ADAMTS9: variants seen among roughly 807,000 people sequenced by gnomAD.
The protein encoded by ADAMTS9 is A disintegrin and metalloproteinase with thrombospondin motifs 9.
In ADAMTS9, 107 loss-of-function variants were observed where a neutral mutation model predicts 257.1. The observed-to-expected ratio is 0.42, with a 90% CI of 0.36 to 0.49. The LOEUF is 0.49. Among genes scored for constraint, ADAMTS9 ranks in the 20% least tolerant of loss-of-function variants. The pLI is 0.03. For missense variants in ADAMTS9, 2,353 were observed against 2,469.1 expected, an observed-to-expected ratio of 0.95 and a Z score of 1.00; for synonymous variants, 982 against 880.9, an observed-to-expected ratio of 1.11 and a Z score of -2.03.
At chr3:64,638,576 G>T (rs72890862) in intron 12 of ADAMTS9, among the ~76,000 whole-genome samples, 2,110 of 152,206 alleles carry the variant, frequency 0.014, 44 homozygotes, top group African/African-American at 0.048. Flanking sequence ...CATCTTATCT[G>T]TAGGGCATGG....
At chr3:64,684,076 T>C (rs1701829688) in intron 2 of ADAMTS9, among the ~76,000 whole-genome samples, 1 of 152,004 alleles carries the variant, frequency 6.6e-6, no homozygotes, top group Non-Finnish European at 1.5e-5. Context: ...AGACTAGGAT[T>C]GAGGGTGGGG....
chr3:64,658,193 G>C (rs1001127588), intron 4 of ADAMTS9, among the ~76,000 whole-genome samples: 12 of 152,194 alleles, frequency 7.9e-5, no homozygotes, highest in Admixed American at 7.9e-4. Context: ...ACTCCTCTGA[G>C]ACTCAGTTTT....
At chr3:64,673,496 A>AT (rs1206710359) in intron 3 of ADAMTS9, among the ~76,000 whole-genome samples, 1 of 152,212 alleles carries the variant, frequency 6.6e-6, no homozygotes, top group African/African-American at 2.4e-5. Context: ...GAAAATAGCA[A>AT]TTTTAACAAC....
At chr3:64,656,558 C>A (rs753267435) in intron 4 of ADAMTS9, among the ~76,000 whole-genome samples, 5 of 152,174 alleles carry the variant, frequency 3.3e-5, no homozygotes, top group Non-Finnish European at 7.3e-5. Context: ...AGGCTACACA[C>A]TGGTGAGTAG....
chr3:64,631,681 T>C, intron 15 of ADAMTS9, 127 bp downstream of exon 15: 1 of 1,170,528 alleles, frequency 8.5e-7, no homozygotes, highest in East Asian at 2.4e-5. Context: ...TTCTAGTCGA[T>C]GGATAATCCA....
Position 64,687,550 on chromosome 3 carries a change from C to T in ADAMTS9, c.108G>A (p.Pro36=). The change falls in exon 1 of 40, where the codon CCG becomes CCA. Residue 36 remains proline (P), a synonymous_variant. Coordinates refer to ENST00000498707, the MANE Select transcript of ADAMTS9 (RefSeq NM_182920.2). The surrounding 1 kb of genome is among the most constrained non-coding windows in gnomAD (Gnocchi z 4.4). The part of the protein sequence containing the change: ...AAAVRKDRLH[P]RQVKLLETLS... ...GGGCCGGAGCCTGGTTACCTTGCCT[C>T]GGGTGCAGCCTGTCCTTGCGCACGG... The T allele has an allele frequency of 6.5e-7, 1 of 1,539,658 alleles. No homozygotes were observed. Among genetic ancestry groups the T allele is most frequent in the Non-Finnish European group, 8.8e-7 (1 of 1,141,464 alleles).
intron 9 of ADAMTS9, 112 bp downstream of exon 9, chr3:64,650,905 A>T (rs1268087101): frequency 5.8e-6 from 7 of 1,215,712 alleles, no homozygotes; most frequent in Non-Finnish European, 7.9e-6. Context: ...AGGAATGTCA[A>T]CAAAAATAAC....
chr3:64,626,837 T>A (rs1274993929), intron 16 of ADAMTS9, among the ~76,000 whole-genome samples: 1 of 152,148 alleles, frequency 6.6e-6, no homozygotes, highest in African/African-American at 2.4e-5. Context: ...GCCAAATGAC[T>A]CTTTCTCAGT....
At chr3:64,573,372 C>A (rs1218561920) in intron 28 of ADAMTS9, among the ~76,000 whole-genome samples, 3 of 152,128 alleles carry the variant, frequency 2.0e-5, no homozygotes, top group African/African-American at 7.2e-5. Context: ...ACAGGACTGG[C>A]TGATAGCAGG....
chr3:64,541,471 G>A (rs1026422148), intron 34 of ADAMTS9, 55 bp downstream of exon 34: 1 of 1,605,248 alleles, frequency 6.2e-7, no homozygotes, highest in Non-Finnish European at 8.5e-7. Context: ...AATGAGAGCG[G>A]TGATCACTCA....
At chr3:64,542,241 A>ACG (rs1553701062) in intron 32 of ADAMTS9, among the ~76,000 whole-genome samples, 46,723 of 151,678 alleles carry the variant, frequency 0.31, 8,656 homozygotes, top group Non-Finnish European at 0.42. Flanking sequence ...ACACACACAC[A>ACG]TAATTTTTTC....
At chr3:64,530,463 C>T (rs965825529) in intron 38 of ADAMTS9, among the ~76,000 whole-genome samples, 1 of 149,192 alleles carries the variant, frequency 6.7e-6, no homozygotes. Context: ...GAGGAGTACT[C>T]GACAGGCCCT....
chr3:64,533,049 T>C lies in ADAMTS9; in HGVS notation c.5718+117A>G. The C allele has an allele frequency of 3.5e-6, 3 of 856,458 alleles. No homozygotes were observed. In the South Asian group the frequency reaches 5.0e-5, roughly 14 times the overall value. 53.1% of individuals were successfully genotyped at this position (856,458 alleles called of 1,614,324 possible). On this transcript the variant is annotated intron_variant, in intron 38 of 39. Transcript: ENST00000498707. ...AAATGGTCTTCCTGACACTACAAAA[T>C]GGCTTAAGTGGGAAAGCACATTCGT... is the stretch of plus-strand genomic sequence containing the variant.
chr3:64,653,614 A>C lies in ADAMTS9; in HGVS notation c.1316+739T>G, dbSNP rs1282531406. 2.6e-5 allele frequency among the ~76,000 whole-genome samples: 4 copies of C among 152,306 alleles called. No homozygotes were observed. In the South Asian group the frequency reaches 8.3e-4, roughly 32 times the overall value. On this transcript the variant is annotated intron_variant, in intron 8 of 39. Coordinates refer to ENST00000498707, the MANE Select transcript of ADAMTS9 (RefSeq NM_182920.2). ...AAGTTACCATCTGCCACACAAATTGATCTATTAATATCCTTTCAGAAAATT... is the reference window on the plus strand; with the variant it reads ...AAGTTACCATCTGCCACACAAATTGCTCTATTAATATCCTTTCAGAAAATT...
At chr3:64,642,914 T>G (rs1576153195) in intron 11 of ADAMTS9, among the ~76,000 whole-genome samples, 1 of 150,456 alleles carries the variant, frequency 6.6e-6, no homozygotes, top group Non-Finnish European at 1.5e-5. Context: ...GCAGGGAAGG[T>G]GGAAAAAGAA....
rs770326357 is a variant in ADAMTS9, at chr3:64,615,952, C to T, written c.3024+8G>A. 1 of 1,612,608 alleles carries T rather than the reference C, an allele frequency of 6.2e-7. No individual in the cohort carries two copies. The highest frequency in any genetic ancestry group is 1.1e-5 in the South Asian group (1 of 91,014). On this transcript the variant is annotated splice_region_variant and intron_variant, in intron 20 of 39. Coordinates refer to ENST00000498707, the MANE Select transcript of ADAMTS9 (RefSeq NM_182920.2). ...CCAAGAAGACTCTTTGAGTGAGAGCCAACTTACTTCAGTCCAGGCAGAATA... is the reference window on the plus strand; with the variant it reads ...CCAAGAAGACTCTTTGAGTGAGAGCTAACTTACTTCAGTCCAGGCAGAATA...
chr3:64,575,171 G>C (rs780332847), intron 28 of ADAMTS9, among the ~76,000 whole-genome samples: 2 of 152,168 alleles, frequency 1.3e-5, no homozygotes, highest in Non-Finnish European at 2.9e-5. Context: ...CGGTCAAGAA[G>C]GGAAGGCTGC....
chr3:64,659,326 G>A (rs772665934), intron 3 of ADAMTS9, among the ~76,000 whole-genome samples: 5 of 152,038 alleles, frequency 3.3e-5, no homozygotes, highest in Non-Finnish European at 7.4e-5. Flanking sequence ...AAATTAGCCA[G>A]GCATGCTGGT....
intron 39 of ADAMTS9, among the ~76,000 whole-genome samples, chr3:64,517,486 T>C (rs1333150549): frequency 1.6e-5 from 2 of 128,392 alleles, no homozygotes; most frequent in African/African-American, 2.9e-5. Context: ...CTCAAAATCC[T>C]GGACTCAAGT....
Sources: gnomAD v4.1 joint callset for allele counts (sites outside exome capture counted in the v4.1 genomes callset) on GRCh38, gnomAD v4.1.1 for gene constraint, Gnocchi (gnomAD v3.1) non-coding constraint, MANE v1.5 for transcripts, NCBI Gene and HGNC (gene_info 2026-07-23, HGNC 2026-07-21) for gene names.